Variants in NUDT5 observed in about 807,000 individuals in gnomAD.
NUDT5 encodes ADP-sugar pyrophosphatase.
In NUDT5, 21 loss-of-function variants were observed where a neutral mutation model predicts 34.1. That is an observed-to-expected ratio of 0.62 (90% CI 0.44 to 0.89). The LOEUF is 0.89. NUDT5 is among the 40% of genes least tolerant of loss of function. The pLI is 0.00. For missense variants in NUDT5, 249 were observed against 274.8 expected, an observed-to-expected ratio of 0.91 and a Z score of 0.66; for synonymous variants, 85 against 97.6, an observed-to-expected ratio of 0.87 and a Z score of 0.76.
At chr10:12,189,051 C>A (rs547283604) in intron 1 of NUDT5, among the ~76,000 whole-genome samples, 24 of 152,246 alleles carry the variant, frequency 1.6e-4, no homozygotes, top group African/African-American at 5.3e-4. Context: ...ACCTGCAGCC[C>A]TACTAAGAAA....
intron 1 of NUDT5, among the ~76,000 whole-genome samples, chr10:12,191,132 C>T (rs1835220150): frequency 6.6e-6 from 1 of 152,042 alleles, no homozygotes; most frequent in Non-Finnish European, 1.5e-5. Flanking sequence ...GCCTATAATC[C>T]CAGCACTTGG....
chr10:12,184,658 G>C, intron 3 of NUDT5: 2 of 829,168 alleles, frequency 2.4e-6, no homozygotes, highest in Non-Finnish European at 1.8e-6. Flanking sequence ...GTCTACTTAG[G>C]GAGAATGGTA....
At chr10:12,193,873 T>C (rs115665938) in intron 1 of NUDT5, among the ~76,000 whole-genome samples, 3,196 of 152,096 alleles carry the variant, frequency 0.021, 108 homozygotes, top group African/African-American at 0.072. Flanking sequence ...TACACTCTTT[T>C]TTTTTTTTTT....
chr10:12,181,762 T>C lies in NUDT5; in HGVS notation c.132-2630A>G, dbSNP rs564500066. On this transcript the variant is annotated intron_variant, in intron 3 of 9. Coordinates refer to ENST00000491614, the MANE Select transcript of NUDT5 (RefSeq NM_014142.4). This position sits in a 1 kb window ranked among gnomAD's most constrained non-coding sequence, Gnocchi z 5.0. The stretch of plus-strand genomic sequence containing the variant: ...GGGAGGCCAAGGTAGGAGGACTGCT[T>C]GAGTTCAGGGGTTCGAGACCAGCCT... 6.6e-6 allele frequency among the ~76,000 whole-genome samples: 1 copy of C among 152,162 alleles called. No individual in the cohort carries two copies. Among genetic ancestry groups the C allele is most frequent in the East Asian group, 1.9e-4 (1 of 5,180 alleles).
chr10:12,189,302 T>TG (rs1487077886), intron 1 of NUDT5, among the ~76,000 whole-genome samples: 1 of 152,110 alleles, frequency 6.6e-6, no homozygotes, highest in Non-Finnish European at 1.5e-5. Context: ...GATGGGGTTT[T>TG]GCCATGTTGG....
intron 4 of NUDT5, among the ~76,000 whole-genome samples, chr10:12,178,837 G>T (rs932269280): frequency 1.3e-5 from 2 of 152,142 alleles, no homozygotes; most frequent in African/African-American, 4.8e-5. Flanking sequence ...AAACTATATT[G>T]ATTTACATTT....
chr10:12,195,601 A>C (rs933323014), intron 1 of NUDT5, among the ~76,000 whole-genome samples, 169 bp downstream of exon 1: 2 of 151,772 alleles, frequency 1.3e-5, no homozygotes, highest in Non-Finnish European at 2.9e-5. Context: ...CCAATCCACA[A>C]TTTCCCTCCA....
Position 12,177,821 on chromosome 10 carries a change from C to T in NUDT5, c.261G>A (p.Met87Ile). ...IVLVKQFRPP[M>I]GGYCIEFPAG... The stretch of plus-strand genomic sequence containing the variant: ...CAGGGAACTCTATGCAGTAGCCCCC[C>T]ATTGGTGGTCGGAACTGTTTCACCA... The change falls in exon 5 of 10, where the codon ATG becomes ATA. Residue 87 changes from methionine to isoleucine, a missense_variant. Physicochemically the swap from Met to Ile is conservative, Grantham distance 10. Transcript: ENST00000491614. The T allele has an allele frequency of 1.9e-6, 3 of 1,614,080 alleles. No individual in the cohort carries two copies. The South Asian group carries it at 3.3e-5, about 18-fold the overall frequency.
intron 2 of NUDT5, among the ~76,000 whole-genome samples, chr10:12,185,257 A>C (rs1454146476): frequency 6.6e-6 from 1 of 152,194 alleles, no homozygotes; most frequent in Non-Finnish European, 1.5e-5. Context: ...AGGTAACTGG[A>C]AGGGAGCACA....
In NUDT5 at chr10:12,184,884, T is replaced by A. The variant is rs1233229166; in HGVS notation, c.131+5A>T. ...AACATTTTGTAAGAAAAAAAAAAAG[T>A]TTACCTAGTTTTACCAGTAGGATCC... On this transcript the variant is annotated splice_donor_5th_base_variant and intron_variant, in intron 3 of 9. Transcript: ENST00000491614. 5 of 1,542,006 alleles carry A rather than the reference T, an allele frequency of 3.2e-6. No homozygotes were observed. The East Asian group carries it at 6.8e-5, about 21-fold the overall frequency.
At position 12,179,086 on chromosome 10, in the gene NUDT5, C is replaced by T. The variant is rs764211140; in HGVS notation, c.178G>A (p.Asp60Asn). The change falls in exon 4 of 10, where the codon GAT (aspartate) becomes AAT (asparagine). Residue 60 changes from aspartate to asparagine, a missense_variant. Asp to Asn is a conservative substitution (Grantham distance 23). Coordinates refer to ENST00000491614, the MANE Select transcript of NUDT5 (RefSeq NM_014142.4). ...KRTTRKEQTA[D>N]GVAVIPVLQR... ...TGGAATAGGTTTGCACTCCTACCAT[C>T]CGCAGTCTGCTCTTTCCTGGTTGTA... is the stretch of plus-strand genomic sequence containing the variant. 1.2e-6 allele frequency: 2 copies of T among 1,613,994 alleles called. No homozygotes were observed. Among genetic ancestry groups the T allele is most frequent in the East Asian group, 2.2e-5 (1 of 44,882 alleles).
rs550690948 is a variant in NUDT5 at position 12,170,947 on chromosome 10, G to T, written c.488-39C>A. On this transcript the variant is annotated intron_variant, in intron 7 of 9. Transcript: ENST00000491614. The surrounding 1 kb of genome is among the most constrained non-coding windows in gnomAD (Gnocchi z 4.9). ...GAAGGAAAACATTTCAGCAAGGCCTGGAGTGGTAACATCGGAAGACTTTTA... is the reference window on the plus strand; with the variant it reads ...GAAGGAAAACATTTCAGCAAGGCCTTGAGTGGTAACATCGGAAGACTTTTA... 9.3e-6 allele frequency: 15 copies of T among 1,609,216 alleles called. No individual in the cohort carries two copies. The Admixed American group carries it at 1.3e-4, about 14-fold the overall frequency.
chr10:12,190,259 G>A (rs947382646), intron 1 of NUDT5, among the ~76,000 whole-genome samples: 34 of 152,116 alleles, frequency 2.2e-4, no homozygotes, highest in African/African-American at 6.0e-4. Context: ...CTCATAAATC[G>A]TTTTAACTCA....
At chr10:12,172,939 T>C in intron 6 of NUDT5, 73 bp from the exon 7 acceptor site, 1 of 1,089,576 alleles carries the variant, frequency 9.2e-7, no homozygotes, top group Non-Finnish European at 1.4e-6. Context: ...AGGAAGAAGA[T>C]GCGTCCCGCA....
At chr10:12,193,430 C>A (rs1219409658) in intron 1 of NUDT5, among the ~76,000 whole-genome samples, 2 of 152,162 alleles carry the variant, frequency 1.3e-5, no homozygotes, top group African/African-American at 2.4e-5. Context: ...AGGAATTGCA[C>A]AATAAATCTC....
In NUDT5 at chr10:12,181,683, C is replaced by G. The variant is rs1257470953; in HGVS notation, c.132-2551G>C. Among the ~76,000 whole-genome samples the G allele has an allele frequency of 6.6e-6, 1 of 151,938 alleles. No individual in the cohort carries two copies. Among genetic ancestry groups the G allele is most frequent in the Non-Finnish European group, 1.5e-5 (1 of 68,000 alleles). ...GCAGAGGGAAGTCGCCGTGTGCGTG[C>G]AAAGGATATATCGGGCCGGGTGTGG... On this transcript the variant is annotated intron_variant, in intron 3 of 9. Coordinates refer to ENST00000491614, the MANE Select transcript of NUDT5 (RefSeq NM_014142.4). This position sits in a 1 kb window ranked among gnomAD's most constrained non-coding sequence, Gnocchi z 5.0.
At position 12,165,868 on chromosome 10, in the gene NUDT5, A is replaced by G. The variant is rs1404942257; in HGVS notation, c.*1834T>C. The G allele has an allele frequency of 1.3e-5, 2 of 152,134 alleles. No homozygotes were observed. The highest frequency in any genetic ancestry group is 1.3e-4 in the Admixed American group (2 of 15,268). 9.4% of individuals were successfully genotyped at this position (152,134 alleles called of 1,614,324 possible). ...GGTGAGCATCCGCCAAGGGCCTCAG[A>G]CCACTGTTACCATAAAAACATCCAC... On this transcript the variant is annotated 3_prime_UTR_variant, in exon 10 of 10. Coordinates refer to ENST00000491614, the MANE Select transcript of NUDT5 (RefSeq NM_014142.4).
chr10:12,167,669 C>T lies in NUDT5; in HGVS notation c.*33G>A, dbSNP rs763230843. 4.4e-6 allele frequency: 7 copies of T among 1,601,468 alleles called. No individual in the cohort carries two copies. The South Asian group carries it at 4.4e-5, about 10-fold the overall frequency. ...CTTAGTGAAGAAGGCCTGGTGGTCT[C>T]GTTTACAAAAATGGCCAGTGTCATA... On this transcript the variant is annotated 3_prime_UTR_variant, in exon 10 of 10. Transcript: ENST00000491614.
intron 5 of NUDT5, among the ~76,000 whole-genome samples, chr10:12,176,463 G>C (rs1473502531): frequency 6.6e-6 from 1 of 151,602 alleles, no homozygotes; most frequent in Non-Finnish European, 1.5e-5. Context: ...AATTAGCCGG[G>C]TGTGGTGGCT....
Sources: gnomAD v4.1 joint callset for allele counts (sites outside exome capture counted in the v4.1 genomes callset) on GRCh38, gnomAD v4.1.1 for gene constraint, Gnocchi (gnomAD v3.1) non-coding constraint, MANE v1.5 for transcripts, NCBI Gene and HGNC (gene_info 2026-07-23, HGNC 2026-07-21) for gene names.